The following NMD3 variants were observed in gnomAD, a reference collection of about 807,000 sequenced individuals.
NMD3 encodes the protein 60S ribosomal export protein NMD3.
In NMD3, 47 loss-of-function variants were observed where a neutral mutation model predicts 73.1. The ratio of observed to expected loss-of-function variants is 0.64; its 90% CI spans 0.51 to 0.82. The LOEUF is 0.82. Among genes scored for constraint, NMD3 ranks in the 40% least tolerant of loss-of-function variants. The probability of loss-of-function intolerance (pLI) is 0.00; values close to 1 mark genes in which losing one functional copy is unlikely to be tolerated. For missense variants in NMD3, 554 were observed against 612.5 expected, an observed-to-expected ratio of 0.90 and a Z score of 1.01; for synonymous variants, 210 against 194.5, an observed-to-expected ratio of 1.08 and a Z score of -0.66.
intron 5 of NMD3, among the ~76,000 whole-genome samples, chr3:161,234,038 G>A (rs980719632): frequency 6.6e-6 from 1 of 152,104 alleles, no homozygotes; most frequent in African/African-American, 2.4e-5. Flanking sequence ...TTTGGATTTG[G>A]AATGTTCAAT....
Position 161,250,770 on chromosome 3 carries a change from A to G in NMD3, c.1382-10A>G. ...TTTGTATTTATTTTATTCTCTTTGT[A>G]TTTTTTTAGATTCAGCCATCCCTGT... On this transcript the variant is annotated splice_polypyrimidine_tract_variant and intron_variant, in intron 15 of 15. Transcript: ENST00000351193. 6.3e-7 allele frequency: 1 copy of G among 1,578,348 alleles called. No individual in the cohort carries two copies. Among genetic ancestry groups the G allele is most frequent in the Non-Finnish European group, 8.7e-7 (1 of 1,151,014 alleles).
chr3:161,245,538 T>C (rs1737165413), intron 11 of NMD3, among the ~76,000 whole-genome samples: 2 of 151,976 alleles, frequency 1.3e-5, no homozygotes, highest in Middle Eastern at 3.2e-3. Context: ...TTTCTTTTCA[T>C]TTTTTTCATT....
chr3:161,223,898 GCTATTACACTTGTGGTTGGGAAGTTT>G (rs1382077152), intron 2 of NMD3, among the ~76,000 whole-genome samples: 1 of 152,104 alleles, frequency 6.6e-6, no homozygotes, highest in African/African-American at 2.4e-5. Context: ...TCCCAAGTTT[GCTATTACACTTGTGGTTGGGAAGTTT>G]ATCTGTTTAT....
intron 3 of NMD3, 54 bp from the exon 4 acceptor site, chr3:161,227,193 A>T: frequency 1.2e-5 from 14 of 1,184,438 alleles, no homozygotes; most frequent in Non-Finnish European, 1.7e-5. Flanking sequence ...TCAGATGGAA[A>T]TTTCTGTGTT....
At chr3:161,221,691 A>T (rs1736088115) in intron 1 of NMD3, 2 of 213,706 alleles carry the variant, frequency 9.4e-6, no homozygotes, top group Non-Finnish European at 1.9e-5. Context: ...TCCCGAGCTG[A>T]CCTCGCCCTT....
chr3:161,248,035 C>T (rs1737322273), intron 13 of NMD3, among the ~76,000 whole-genome samples: 1 of 151,860 alleles, frequency 6.6e-6, no homozygotes, highest in South Asian at 2.1e-4. Context: ...ATCCTCCCAC[C>T]TCAGCCTCTC....
intron 3 of NMD3, among the ~76,000 whole-genome samples, chr3:161,226,347 G>A (rs774184600): frequency 6.6e-6 from 1 of 151,418 alleles, no homozygotes; most frequent in Non-Finnish European, 1.5e-5. Context: ...CTAGCTACTC[G>A]AGAGGCAGGA....
At position 161,227,260 on chromosome 3, in the gene NMD3, C is replaced by A; in HGVS notation, c.193C>A (p.Pro65Thr). The change falls in exon 4 of 16, where the codon CCA becomes ACA. Residue 65 changes from proline to threonine, a missense_variant. Coordinates refer to ENST00000351193, the MANE Select transcript of NMD3 (RefSeq NM_015938.5). Reference protein sequence around the residue: ...CKQCQRYFQPPGTWIQCALES... With the variant: ...CKQCQRYFQPTGTWIQCALES... ...CTTCTCTTTTAGGTATTTTCAACCA[C>A]CAGGAACTTGGATACAGTGTGCTTT... 1 of 1,592,144 alleles carries A rather than the reference C, an allele frequency of 6.3e-7. No homozygotes were observed. Among genetic ancestry groups the A allele is most frequent in the Non-Finnish European group, 8.6e-7 (1 of 1,167,552 alleles).
Position 161,225,065 on chromosome 3 carries a change from G to A in NMD3, c.179+1G>A. 6.2e-7 allele frequency: 1 copy of A among 1,605,132 alleles called. No individual in the cohort carries two copies. Among genetic ancestry groups the A allele is most frequent in the Non-Finnish European group, 8.5e-7 (1 of 1,177,504 alleles). On this transcript the variant is annotated splice_donor_variant, in intron 3 of 15. Transcript: ENST00000351193. LOFTEE classifies it high-confidence loss of function. The stretch of plus-strand genomic sequence containing the variant: ...TTTCGTTCTGCAAACAATGTCAAAG[G>A]TACAGTGCGGTACAATTTTGCTCTT...
chr3:161,228,563 C>T (rs66508859), intron 4 of NMD3, among the ~76,000 whole-genome samples: 47,468 of 151,544 alleles, frequency 0.31, 7,714 homozygotes, highest in East Asian at 0.54. Flanking sequence ...TCTGTTCCCT[C>T]ATTTGTCTCT....
upstream of NMD3, chr3:161,221,226 G>GCCGCCCCTTTCCTCGTCCCCACC (rs1736055696): frequency 1.3e-5 from 2 of 152,266 alleles, no homozygotes; most frequent in Non-Finnish European, 2.9e-5. Flanking sequence ...GCCCGTCGGT[G>GCCGCCCCTTTCCTCGTCCCCACC]CCGCCCCTTT....
chr3:161,237,877 G>A (rs1736824669), intron 7 of NMD3, among the ~76,000 whole-genome samples: 1 of 151,876 alleles, frequency 6.6e-6, no homozygotes, highest in Non-Finnish European at 1.5e-5. Context: ...TTGGCCTTGA[G>A]TTTTATTTTT....
At chr3:161,243,046 A>G (rs544118839) in intron 11 of NMD3, among the ~76,000 whole-genome samples, 1 of 152,300 alleles carries the variant, frequency 6.6e-6, no homozygotes, top group African/African-American at 2.4e-5. Flanking sequence ...ATTTTTCTAC[A>G]TAATGAAAAT....
intron 6 of NMD3, 109 bp from the exon 7 acceptor site, chr3:161,235,013 G>C: frequency 5.3e-6 from 5 of 935,332 alleles, no homozygotes; most frequent in Non-Finnish European, 8.2e-6. Flanking sequence ...TTTAAAGATT[G>C]TTATTGTTTG....
At chr3:161,234,696 A>T (rs1336826407) in intron 5 of NMD3, 31 bp from the exon 6 acceptor site, 2 of 1,555,248 alleles carry the variant, frequency 1.3e-6, no homozygotes, top group East Asian at 4.6e-5. Context: ...AACAAAACCA[A>T]AAGAATGAAG....
intron 3 of NMD3, among the ~76,000 whole-genome samples, chr3:161,226,315 G>A (rs1026062005): frequency 6.6e-6 from 1 of 151,840 alleles, no homozygotes; most frequent in Non-Finnish European, 1.5e-5. Flanking sequence ...TTAGCCAGGC[G>A]TGGTGGGGCA....
chr3:161,230,839 A>G (rs1040881255), intron 4 of NMD3, among the ~76,000 whole-genome samples: 3 of 152,270 alleles, frequency 2.0e-5, no homozygotes, highest in Admixed American at 2.0e-4. Context: ...TACTGGAGAA[A>G]ACAGAAGCGT....
intron 5 of NMD3, among the ~76,000 whole-genome samples, chr3:161,233,688 A>G (rs1033880501): frequency 1.3e-5 from 2 of 152,192 alleles, no homozygotes; most frequent in African/African-American, 4.8e-5. Flanking sequence ...ACTTTTCCAG[A>G]GTTATTTTTA....
chr3:161,222,004 A>G lies in NMD3; in HGVS notation c.-10A>G. ...TTTTTTTTTTAAAAGAACTTAAGGC[A>G]TACAGAACGATGGAGTATATGGCAG... On this transcript the variant is annotated 5_prime_UTR_variant, in exon 2 of 16. Transcript: ENST00000351193. The G allele has an allele frequency of 4.1e-6, 6 of 1,471,916 alleles. No homozygotes were observed. The highest frequency in any genetic ancestry group is 5.6e-6 in the Non-Finnish European group (6 of 1,075,952). The allele number at this position is 1,471,916 out of a possible 1,614,324, so 91.2% of individuals were successfully genotyped here. A position where few individuals can be genotyped will look rare whatever the true frequency, so the allele number is the denominator to read the frequency against.
Sources: gnomAD v4.1 joint callset for allele counts (sites outside exome capture counted in the v4.1 genomes callset) on GRCh38, gnomAD v4.1.1 for gene constraint, MANE v1.5 for transcripts, NCBI Gene and HGNC (gene_info 2026-07-23, HGNC 2026-07-21) for gene names.